Variants in TUSC3 observed in about 807,000 individuals in gnomAD.
TUSC3 encodes the protein tumor suppressor candidate 3.
In TUSC3, 45 loss-of-function variants were observed where a neutral mutation model predicts 44.8. That is an observed-to-expected ratio of 1.00 (90% confidence interval 0.79 to 1.29). The LOEUF (loss-of-function observed/expected upper bound fraction) is 1.29. TUSC3 is among the 50% of genes most tolerant of loss of function. TUSC3 has a pLI of 0.00. For missense variants in TUSC3, 519 were observed against 437.9 expected (o/e 1.19, Z -1.65); for synonymous variants, 212 against 152.9 (o/e 1.39, Z -2.85).
intron 1 of TUSC3, among the ~76,000 whole-genome samples, chr8:15,575,936 A>G (rs1231649520): frequency 6.6e-6 from 1 of 151,098 alleles, no homozygotes; most frequent in Admixed American, 6.6e-5. Context: ...AATCAAATTT[A>G]TGGTTTATAT....
intron 2 of TUSC3, among the ~76,000 whole-genome samples, chr8:15,530,072 A>G (rs1473161644): frequency 6.6e-6 from 1 of 151,650 alleles, no homozygotes; most frequent in Non-Finnish European, 1.5e-5. Flanking sequence ...GGCGTGAGCC[A>G]CCGCGCCCGG....
intron 1 of TUSC3, among the ~76,000 whole-genome samples, chr8:15,556,143 C>T (rs1487677856): frequency 7.0e-6 from 1 of 143,130 alleles, no homozygotes; most frequent in Non-Finnish European, 1.5e-5. Flanking sequence ...TCTCCCAGTG[C>T]TATCCCTCCC....
At chr8:15,715,811 G>A (rs144393211) in intron 6 of TUSC3, among the ~76,000 whole-genome samples, 10 of 152,050 alleles carry the variant, frequency 6.6e-5, no homozygotes, top group African/African-American at 2.4e-4. Context: ...TGGATATGAT[G>A]GAACGATTCT....
chr8:15,739,668 G>GTTT (rs1048549305), intron 7 of TUSC3, among the ~76,000 whole-genome samples: 13 of 152,142 alleles, frequency 8.5e-5, no homozygotes, highest in African/African-American at 2.2e-4. Flanking sequence ...TCTGGAATAT[G>GTTT]TTTATGGAGT....
intron 6 of TUSC3, among the ~76,000 whole-genome samples, chr8:15,700,421 T>C (rs1011467756): frequency 1.4e-4 from 22 of 152,140 alleles, no homozygotes; most frequent in Admixed American, 1.4e-3. Context: ...AATCATAATA[T>C]AAGCAAAGTG....
chr8:15,692,371 C>T (rs868177837), intron 6 of TUSC3, among the ~76,000 whole-genome samples: 283 of 18,606 alleles, frequency 0.015, no homozygotes, highest in South Asian at 0.029. Context: ...CCCCCCCCCC[C>T]TTTGTTTTTT....
At chr8:15,818,295 C>A in the TUSC3 span, among the ~76,000 whole-genome samples, 2 of 152,134 alleles carry the variant, frequency 1.3e-5, no homozygotes, top group Non-Finnish European at 1.5e-5. Context: ...GTAAAGATTT[C>A]ACATAACATT....
chr8:15,824,921 A>G, the TUSC3 span, among the ~76,000 whole-genome samples: 1 of 152,290 alleles, frequency 6.6e-6, no homozygotes, highest in African/African-American at 2.4e-5. Flanking sequence ...ATTCAGTTAC[A>G]GTGCTTTCCT....
At chr8:15,533,182 T>G (rs1046040977) in intron 2 of TUSC3, among the ~76,000 whole-genome samples, 2 of 152,168 alleles carry the variant, frequency 1.3e-5, no homozygotes, top group Non-Finnish European at 2.9e-5. Context: ...TGCTCCTCCT[T>G]CTGCCATAAT....
chr8:15,545,548 C>A (rs567620831), intron 1 of TUSC3, among the ~76,000 whole-genome samples: 6 of 151,734 alleles, frequency 4.0e-5, no homozygotes, highest in Non-Finnish European at 8.8e-5. Context: ...CAGTCAGTCC[C>A]TGCATTAGCA....
At chr8:15,594,884 C>T (rs912781245) in intron 1 of TUSC3, among the ~76,000 whole-genome samples, 6 of 152,116 alleles carry the variant, frequency 3.9e-5, no homozygotes, top group Admixed American at 1.3e-4. Flanking sequence ...TGGTTGCCCA[C>T]GGCTCACGGA....
intron 5 of TUSC3, among the ~76,000 whole-genome samples, chr8:15,672,672 T>C (rs1194112073): frequency 6.6e-6 from 1 of 152,058 alleles, no homozygotes; most frequent in Non-Finnish European, 1.5e-5. Context: ...AATATCTTAG[T>C]TGGTTACATA....
intron 3 of TUSC3, among the ~76,000 whole-genome samples, chr8:15,654,582 T>G (rs946609113): frequency 2.0e-5 from 3 of 152,116 alleles, no homozygotes; most frequent in Admixed American, 2.0e-4. Context: ...AAAAGGTTTA[T>G]GAAAATAATA....
chr8:15,578,727 T>C (rs1170044240), intron 1 of TUSC3, among the ~76,000 whole-genome samples: 4 of 152,192 alleles, frequency 2.6e-5, no homozygotes, highest in African/African-American at 7.2e-5. Context: ...CAGTATTTTA[T>C]TGAGGATTTT....
intron 1 of TUSC3, among the ~76,000 whole-genome samples, chr8:15,622,036 C>A (rs1220765686): frequency 6.6e-6 from 1 of 152,126 alleles, no homozygotes; most frequent in Non-Finnish European, 1.5e-5. Context: ...TGTATATGCA[C>A]CCAGTCTCTG....
chr8:15,784,121 G>T, the TUSC3 span, among the ~76,000 whole-genome samples: 345 of 152,188 alleles, frequency 2.3e-3, no homozygotes, highest in Non-Finnish European at 4.1e-3. Flanking sequence ...AATAATCATG[G>T]ATGTACAAAT....
At chr8:15,597,871 G>A (rs1804134667) in intron 1 of TUSC3, among the ~76,000 whole-genome samples, 1 of 151,974 alleles carries the variant, frequency 6.6e-6, no homozygotes, top group Non-Finnish European at 1.5e-5. Flanking sequence ...TGGTAATGGG[G>A]AAAAACATTA....
intron 1 of TUSC3, among the ~76,000 whole-genome samples, chr8:15,457,397 C>A (rs960203412): frequency 6.6e-6 from 1 of 151,462 alleles, no homozygotes; most frequent in Non-Finnish European, 1.5e-5. Context: ...GGCCAATAAT[C>A]ATATGTGATT....
At chr8:15,839,766 T>C in the TUSC3 span, among the ~76,000 whole-genome samples, 1 of 152,198 alleles carries the variant, frequency 6.6e-6, no homozygotes, top group African/African-American at 2.4e-5. Context: ...GGAACACTTT[T>C]ACACTGTTGG....
Sources: gnomAD v4.1 joint callset for allele counts (sites outside exome capture counted in the v4.1 genomes callset) on GRCh38, gnomAD v4.1.1 for gene constraint, MANE v1.5 for transcripts, NCBI Gene and HGNC (gene_info 2026-07-23, HGNC 2026-07-21) for gene names.